Variants in LIN7A observed in about 807,000 individuals in gnomAD.
The protein encoded by LIN7A is protein lin-7 homolog A.
A neutral mutation model predicts 29.8 loss-of-function variants in LIN7A; 25 were observed. The ratio of observed to expected loss-of-function variants is 0.84; its 90% confidence interval spans 0.61 to 1.17. The LOEUF (loss-of-function observed/expected upper bound fraction) is 1.17. LIN7A is among the 50% of genes most tolerant of loss of function. The pLI, the probability that LIN7A is intolerant of heterozygous loss-of-function variation, is 0.00. For missense variants in LIN7A, 239 were observed against 287.0 expected, an observed-to-expected ratio of 0.83 and a Z score of 1.21; for synonymous variants, 118 against 107.5, an observed-to-expected ratio of 1.10 and a Z score of -0.60.
intron 2 of LIN7A, among the ~76,000 whole-genome samples, chr12:80,870,515 A>G (rs578074075): frequency 1.3e-5 from 2 of 152,328 alleles, no homozygotes; most frequent in Non-Finnish European, 2.9e-5. Context: ...GAGGAACAGA[A>G]GTGGGGAGCA....
intron 1 of LIN7A, among the ~76,000 whole-genome samples, chr12:80,912,487 G>A: frequency 6.6e-6 from 1 of 151,922 alleles, no homozygotes; most frequent in East Asian, 1.9e-4. Flanking sequence ...AGGCTGAGGT[G>A]GGCGGATCAC....
intron 2 of LIN7A, among the ~76,000 whole-genome samples, chr12:80,862,482 T>C (rs1358899096): frequency 1.3e-5 from 2 of 152,214 alleles, no homozygotes; most frequent in African/African-American, 4.8e-5. Flanking sequence ...AACAATCAAT[T>C]CATAACAGTT....
In LIN7A at chr12:80,806,668, A is replaced by C. The variant is rs891201287; in HGVS notation, c.*4797T>G. On this transcript the variant is annotated intron_variant, in intron 5 of 5. Transcript: ENST00000552864. ...ATTTTATAAAAACCTGAGATGCTTA[A>C]AGTCTAATAGTTCAAATTAGCTTCA... Among the ~76,000 whole-genome samples the C allele has an allele frequency of 4.6e-5, 7 of 152,360 alleles. No individual in the cohort carries two copies. The South Asian group carries it at 1.4e-3, about 32-fold the overall frequency.
chr12:80,851,143 T>A (rs1873311760), intron 2 of LIN7A, among the ~76,000 whole-genome samples: 1 of 152,158 alleles, frequency 6.6e-6, no homozygotes. Context: ...GAACAAAAAC[T>A]TGCAGGTGTT....
intron 5 of LIN7A, among the ~76,000 whole-genome samples, chr12:80,803,871 A>C (rs1870840099): frequency 6.6e-6 from 1 of 152,166 alleles, no homozygotes; most frequent in Non-Finnish European, 1.5e-5. Context: ...ACTGCATAAG[A>C]CTGAATCCCC....
intron 1 of LIN7A, among the ~76,000 whole-genome samples, chr12:80,890,722 A>G (rs1235718879): frequency 6.6e-6 from 1 of 152,170 alleles, no homozygotes; most frequent in African/African-American, 2.4e-5. Context: ...CTTTTAGTAC[A>G]TAAACAGGAA....
chr12:80,876,458 T>C (rs1029051605), intron 2 of LIN7A, among the ~76,000 whole-genome samples: 5 of 152,198 alleles, frequency 3.3e-5, no homozygotes, highest in Non-Finnish European at 7.3e-5. Context: ...ATTTTATTCA[T>C]GAAAGATACC....
intron 4 of LIN7A, among the ~76,000 whole-genome samples, chr12:80,814,797 G>T (rs983966169): frequency 6.6e-6 from 1 of 152,106 alleles, no homozygotes; most frequent in Non-Finnish European, 1.5e-5. Context: ...TTGCCTTCAT[G>T]CTTTATCTTC....
At chr12:80,850,701 T>C (rs549545030) in intron 2 of LIN7A, among the ~76,000 whole-genome samples, 100 of 152,274 alleles carry the variant, frequency 6.6e-4, no homozygotes, top group Non-Finnish European at 1.2e-3. Context: ...AGGGCTGAGA[T>C]TGAGAAATCC....
chr12:80,927,286 C>G (rs1877653691), intron 1 of LIN7A, among the ~76,000 whole-genome samples: 1 of 151,422 alleles, frequency 6.6e-6, no homozygotes, highest in Admixed American at 6.6e-5. Context: ...CTCAGCCTCC[C>G]GAGTAGCTGG....
At chr12:80,910,625 A>G (rs1876702883) in intron 1 of LIN7A, among the ~76,000 whole-genome samples, 1 of 152,196 alleles carries the variant, frequency 6.6e-6, no homozygotes, top group Admixed American at 6.5e-5. Flanking sequence ...TTCTACACCT[A>G]TTGAGATGAT....
intron 4 of LIN7A, among the ~76,000 whole-genome samples, chr12:80,825,970 G>C (rs1481774505): frequency 6.6e-6 from 1 of 152,190 alleles, no homozygotes; most frequent in African/African-American, 2.4e-5. Context: ...GCCTGGCACT[G>C]TCAAATGTGT....
chr12:80,895,609 C>T (rs1448005385), intron 1 of LIN7A, among the ~76,000 whole-genome samples: 3 of 152,228 alleles, frequency 2.0e-5, no homozygotes, highest in Non-Finnish European at 4.4e-5. Context: ...AGAGAATGCA[C>T]TTCTTTTTCC....
intron 2 of LIN7A, among the ~76,000 whole-genome samples, chr12:80,887,796 A>G (rs1459324732): frequency 6.6e-6 from 1 of 152,116 alleles, no homozygotes; most frequent in Non-Finnish European, 1.5e-5. Flanking sequence ...CTCAATGAGC[A>G]GAGGTATATA....
chr12:80,811,716 A>G (rs1871303000), intron 4 of LIN7A, 33 bp from the exon 5 acceptor site: 1 of 1,581,422 alleles, frequency 6.3e-7, no homozygotes, highest in African/African-American at 1.3e-5. Flanking sequence ...TAAAGGGAGG[A>G]GGTTCAATGT....
intron 4 of LIN7A, among the ~76,000 whole-genome samples, chr12:80,823,722 C>T (rs1467584388): frequency 1.3e-5 from 2 of 152,232 alleles, no homozygotes; most frequent in African/African-American, 4.8e-5. Flanking sequence ...AGAAATGTGA[C>T]ACCCCAAGGA....
At chr12:80,857,461 G>A (rs1565903885) in intron 2 of LIN7A, among the ~76,000 whole-genome samples, 1 of 152,018 alleles carries the variant, frequency 6.6e-6, no homozygotes, top group African/African-American at 2.4e-5. Flanking sequence ...CGCCTGGATA[G>A]AATACCATCT....
chr12:80,865,067 A>G (rs1324441675), intron 2 of LIN7A, among the ~76,000 whole-genome samples: 1 of 152,202 alleles, frequency 6.6e-6, no homozygotes, highest in Non-Finnish European at 1.5e-5. Context: ...ATTGGAGATA[A>G]TTGTCAGCAT....
chr12:80,915,954 A>T (rs1005405428), intron 1 of LIN7A, among the ~76,000 whole-genome samples: 3 of 152,202 alleles, frequency 2.0e-5, no homozygotes, highest in Non-Finnish European at 2.9e-5. Context: ...TGATGGATTC[A>T]TTCATATTTC....
Sources: allele counts gnomAD v4.1 joint callset (sites outside exome capture counted in the v4.1 genomes callset), GRCh38; gene constraint gnomAD v4.1.1; transcripts MANE v1.5; gene names NCBI Gene and HGNC (gene_info 2026-07-23, HGNC 2026-07-21).